Variants in DTNB observed in about 807,000 individuals in gnomAD.
The protein encoded by DTNB is dystrobrevin beta.
A neutral mutation model predicts 90.7 loss-of-function variants in DTNB; 63 were observed. That is an observed-to-expected ratio of 0.69 (90% CI 0.57 to 0.86). The LOEUF is 0.86. Ranked by LOEUF, DTNB falls within the 40% of genes least tolerant of loss-of-function variation. The pLI is 0.00. For synonymous variants in DTNB, 277 were observed against 286.7 expected, an observed-to-expected ratio of 0.97 and a Z score of 0.34; for missense variants, 744 against 807.1, an observed-to-expected ratio of 0.92 and a Z score of 0.95.
intron 10 of DTNB, among the ~76,000 whole-genome samples, chr2:25,469,066 G>A (rs1048960531): frequency 6.6e-6 from 1 of 152,162 alleles, no homozygotes; most frequent in African/African-American, 2.4e-5. Flanking sequence ...CTTGTGAAGT[G>A]CCCAGCCTTG....
chr2:25,528,455 A>G (rs977184287), intron 9 of DTNB, among the ~76,000 whole-genome samples: 3 of 152,200 alleles, frequency 2.0e-5, no homozygotes, highest in Admixed American at 2.0e-4. Context: ...TTAATTTTCA[A>G]AAGTATAAGG....
chr2:25,388,422 G>A (rs953988216), intron 16 of DTNB, 61 bp from the exon 17 acceptor site: 10 of 1,529,630 alleles, frequency 6.5e-6, no homozygotes, highest in Non-Finnish European at 8.8e-6. Context: ...GAGGAAGGAA[G>A]AAAGTACTTT....
At chr2:25,606,955 T>C (rs2067240233) in intron 5 of DTNB, among the ~76,000 whole-genome samples, 1 of 152,234 alleles carries the variant, frequency 6.6e-6, no homozygotes, top group East Asian at 1.9e-4. Flanking sequence ...ATTTTAATAA[T>C]GTGGAAAACA....
At chr2:25,662,649 A>AAT (rs371774576) in intron 1 of DTNB, among the ~76,000 whole-genome samples, 8 of 41,760 alleles carry the variant, frequency 1.9e-4, no homozygotes, top group African/African-American at 7.1e-4. Context: ...CAAATATACA[A>AAT]ATACACACAC....
intron 2 of DTNB, among the ~76,000 whole-genome samples, chr2:25,646,689 C>T (rs2079534759): frequency 1.3e-5 from 2 of 152,140 alleles, no homozygotes; most frequent in African/African-American, 4.8e-5. Flanking sequence ...CCACCTCATC[C>T]CTTCAAGTTG....
At chr2:25,392,038 C>G (rs1472972226) in intron 16 of DTNB, among the ~76,000 whole-genome samples, 3 of 152,012 alleles carry the variant, frequency 2.0e-5, no homozygotes, top group Non-Finnish European at 2.9e-5. Context: ...AAGCCCAAAC[C>G]CAGCAGAAGA....
chr2:25,600,245 G>A (rs898789263), intron 5 of DTNB, among the ~76,000 whole-genome samples: 3 of 152,328 alleles, frequency 2.0e-5, no homozygotes, highest in East Asian at 1.9e-4. Context: ...AGCTGAGCCC[G>A]ACTGCTGGGA....
intron 9 of DTNB, among the ~76,000 whole-genome samples, chr2:25,515,012 A>C (rs2074781549): frequency 6.6e-6 from 1 of 152,164 alleles, no homozygotes; most frequent in Non-Finnish European, 1.5e-5. Context: ...TTTCATTGAC[A>C]TTATTATCAT....
chr2:25,643,875 A>G (rs1449650631), intron 2 of DTNB, among the ~76,000 whole-genome samples: 1 of 152,204 alleles, frequency 6.6e-6, no homozygotes, highest in Non-Finnish European at 1.5e-5. Flanking sequence ...ATGAGATAGG[A>G]GGTCAGCCCA....
At chr2:25,629,341 A>G (rs959897666) in intron 3 of DTNB, among the ~76,000 whole-genome samples, 1 of 152,228 alleles carries the variant, frequency 6.6e-6, no homozygotes, top group African/African-American at 2.4e-5. Flanking sequence ...TTAGGAAAAC[A>G]CAACTATTCA....
At position 25,427,642 on chromosome 2, in the gene DTNB, CGAGAA is replaced by C. The variant is rs2052282280; in HGVS notation, c.1458-16_1458-12del. 1 of 1,611,344 alleles carries C rather than the reference CGAGAA, an allele frequency of 6.2e-7. No individual in the cohort carries two copies. Among genetic ancestry groups the C allele is most frequent in the African/African-American group, 1.3e-5 (1 of 74,878 alleles). On this transcript the variant is annotated splice_polypyrimidine_tract_variant and intron_variant, in intron 14 of 20. Coordinates refer to ENST00000406818, the MANE Select transcript of DTNB (RefSeq NM_021907.5). ...TCATCCTTCCTTTGCCTATCCAAGA[CGAGAA>C]GCCTATCAGATAAAGAGACCCTCAA...
At chr2:25,672,567 T>TC (rs2086271743) in intron 1 of DTNB, among the ~76,000 whole-genome samples, 1 of 152,206 alleles carries the variant, frequency 6.6e-6, no homozygotes. Flanking sequence ...TTGACCTTTC[T>TC]GCTTTATCCC....
At chr2:25,420,459 T>C (rs1000702273) in intron 15 of DTNB, among the ~76,000 whole-genome samples, 1 of 148,876 alleles carries the variant, frequency 6.7e-6, no homozygotes, top group Non-Finnish European at 1.5e-5. Context: ...GTCTCTGTCA[T>C]CTAAATCAAT....
At chr2:25,464,584 A>G (rs1382860079) in intron 10 of DTNB, among the ~76,000 whole-genome samples, 1 of 152,224 alleles carries the variant, frequency 6.6e-6, no homozygotes, top group Non-Finnish European at 1.5e-5. Flanking sequence ...GTAGAGCTTA[A>G]TTCCTCACCC....
chr2:25,466,131 G>A (rs1031406506), intron 10 of DTNB, among the ~76,000 whole-genome samples: 1 of 152,140 alleles, frequency 6.6e-6, no homozygotes, highest in Non-Finnish European at 1.5e-5. Flanking sequence ...TCAGGAGTTC[G>A]AGATCAGCCT....
At chr2:25,501,149 T>C (rs1381552586) in intron 9 of DTNB, among the ~76,000 whole-genome samples, 1 of 151,964 alleles carries the variant, frequency 6.6e-6, no homozygotes, top group Admixed American at 6.6e-5. Context: ...CAAAACTGAA[T>C]ACAGCTAAAG....
intron 2 of DTNB, among the ~76,000 whole-genome samples, chr2:25,644,654 G>C (rs141660701): frequency 4.5e-4 from 69 of 152,276 alleles, no homozygotes; most frequent in African/African-American, 1.7e-3. Context: ...TCCAGAGGCT[G>C]AGACAGGATA....
intron 10 of DTNB, among the ~76,000 whole-genome samples, chr2:25,462,625 T>C (rs1466904907): frequency 1.1e-4 from 17 of 152,250 alleles, no homozygotes. Flanking sequence ...CTGGCACATA[T>C]GTTGTCATAG....
At chr2:25,519,100 A>G (rs907657152) in intron 9 of DTNB, among the ~76,000 whole-genome samples, 13 of 152,174 alleles carry the variant, frequency 8.5e-5, no homozygotes, top group African/African-American at 3.1e-4. Flanking sequence ...ACAGTGGCTC[A>G]TGTCTATAAT....
Sources: allele counts gnomAD v4.1 joint callset (sites outside exome capture counted in the v4.1 genomes callset), GRCh38; gene constraint gnomAD v4.1.1; transcripts MANE v1.5; gene names NCBI Gene and HGNC (gene_info 2026-07-23, HGNC 2026-07-21).